The following PLAG1 variants were observed in gnomAD, a reference collection of about 807,000 sequenced individuals.
PLAG1 encodes the protein zinc finger protein PLAG1.
In PLAG1, 7 loss-of-function variants were observed where a neutral mutation model predicts 35.5. That is an observed-to-expected ratio of 0.20 (90% confidence interval 0.11 to 0.37). The LOEUF (loss-of-function observed/expected upper bound fraction) is 0.37, where lower values mean the gene tolerates loss of function less well. Ranked by LOEUF, PLAG1 falls within the 10% of genes least tolerant of loss-of-function variation. The pLI, the probability that PLAG1 is intolerant of heterozygous loss-of-function variation, is 1.00. For synonymous variants in PLAG1, 229 were observed against 225.4 expected, an observed-to-expected ratio of 1.02 and a Z score of -0.14; for missense variants, 454 against 602.8, an observed-to-expected ratio of 0.75 and a Z score of 2.58.
intron 1 of PLAG1, among the ~76,000 whole-genome samples, chr8:56,192,918 C>T (rs1812229833): frequency 6.6e-6 from 1 of 151,904 alleles, no homozygotes; most frequent in Admixed American, 6.6e-5. Flanking sequence ...GACAAAAAAC[C>T]CGTTTCTTTA....
chr8:56,189,399 G>A (rs1034090877), intron 1 of PLAG1, among the ~76,000 whole-genome samples: 6 of 152,164 alleles, frequency 3.9e-5, no homozygotes, highest in African/African-American at 1.2e-4. Flanking sequence ...CAGAAAGTTC[G>A]TCTTCCCCAA....
intron 2 of PLAG1, among the ~76,000 whole-genome samples, chr8:56,173,741 C>G (rs907410188): frequency 2.6e-5 from 4 of 152,134 alleles, no homozygotes; most frequent in African/African-American, 9.7e-5. Flanking sequence ...GAATACCCTT[C>G]TAGTTTTTGT....
chr8:56,180,658 G>A (rs990424161), intron 1 of PLAG1, among the ~76,000 whole-genome samples: 3 of 152,132 alleles, frequency 2.0e-5, no homozygotes, highest in African/African-American at 7.2e-5. Context: ...GTGTAAGGAA[G>A]GTGTCCAGTT....
rs1369062735 is a variant in PLAG1 at position 56,166,103 on chromosome 8, T to G, written c.*140A>C. The G allele has an allele frequency of 2.5e-5, 14 of 556,972 alleles. No homozygotes were observed. The East Asian group carries it at 3.7e-4, about 15-fold the overall frequency. The allele number at this position is 556,972 out of a possible 1,614,324, so 34.5% of individuals were successfully genotyped here. On this transcript the variant is annotated 3_prime_UTR_variant, in exon 5 of 5. Coordinates refer to ENST00000316981, the MANE Select transcript of PLAG1 (RefSeq NM_002655.3). The stretch of plus-strand genomic sequence containing the variant: ...AGCTCAGTTTAAAAGCTAGTTTCTA[T>G]TTTATACTGGCTTAATGAAAATTTG...
chr8:56,205,309 A>C (rs73596227), intron 1 of PLAG1, among the ~76,000 whole-genome samples: 9,721 of 151,940 alleles, frequency 0.064, 1,030 homozygotes, highest in African/African-American at 0.22. Flanking sequence ...TCTTCAAAAT[A>C]TTTTATAAAA....
In PLAG1 at chr8:56,166,704, T is replaced by C. The variant is rs1811365787; in HGVS notation, c.1042A>G (p.Lys348Glu). 5 of 1,614,098 alleles carry C rather than the reference T, an allele frequency of 3.1e-6. No homozygotes were observed. Among genetic ancestry groups the C allele is most frequent in the Non-Finnish European group, 4.2e-6 (5 of 1,179,992 alleles). The change falls in exon 5 of 5, where the codon AAA (lysine) becomes GAA (glutamate). Residue 348 changes from lysine to glutamate, a missense_variant. Lys to Glu is a moderately conservative substitution (Grantham distance 56, BLOSUM62 1). Transcript: ENST00000316981. ...STSYAISIPE[K>E]EQPLKGEIES... ...ATTTCCCCCTTTAATGGCTGTTCTT[T>C]TTCAGGAATAGAAATTGCATATGAG...
chr8:56,191,988 G>T (rs1435773572), intron 1 of PLAG1, among the ~76,000 whole-genome samples: 1 of 152,172 alleles, frequency 6.6e-6, no homozygotes, highest in Non-Finnish European at 1.5e-5. Flanking sequence ...TTGGTACAGG[G>T]AAGATTAGCA....
chr8:56,196,951 C>CGTGTGTGGT (rs1554537774), intron 1 of PLAG1, among the ~76,000 whole-genome samples: 1 of 142,962 alleles, frequency 7.0e-6, no homozygotes. Flanking sequence ...CCCTAGTGTG[C>CGTGTGTGGT]GTGTGTGTGT....
chr8:56,198,434 T>C (rs1033602451), intron 1 of PLAG1, among the ~76,000 whole-genome samples: 93 of 152,280 alleles, frequency 6.1e-4, no homozygotes, highest in African/African-American at 2.2e-3. Flanking sequence ...CCTATAGCCA[T>C]GTGCAGAGGG....
chr8:56,199,807 C>T (rs1251782411), intron 1 of PLAG1, among the ~76,000 whole-genome samples: 1 of 152,174 alleles, frequency 6.6e-6, no homozygotes, highest in Non-Finnish European at 1.5e-5. Context: ...CTGACAGTCC[C>T]AGTCTTCTCT....
At chr8:56,188,230 G>C (rs1420051209) in intron 1 of PLAG1, among the ~76,000 whole-genome samples, 2 of 152,176 alleles carry the variant, frequency 1.3e-5, no homozygotes, top group Non-Finnish European at 2.9e-5. Flanking sequence ...GCAAGAGGTT[G>C]CATGGAACTG....
Position 56,171,167 on chromosome 8 carries a change from C to A in PLAG1, c.-194G>T. The stretch of plus-strand genomic sequence containing the variant: ...ACTCTTCGTGGAAGAGAGTGGAATC[C>A]AATCCTTCCCATTTTGGCCAATCTA... On this transcript the variant is annotated 5_prime_UTR_variant, in exon 3 of 5. It introduces an in-frame stop codon into an upstream open reading frame of the 5' UTR. Transcript: ENST00000316981. The A allele has an allele frequency of 1.0e-6, 1 of 976,718 alleles. No individual in the cohort carries two copies. The highest frequency in any genetic ancestry group is 1.8e-5 in the African/African-American group (1 of 57,056). The allele number at this position is 976,718 out of a possible 1,614,324, so 60.5% of individuals were successfully genotyped here. A position where few individuals can be genotyped will look rare whatever the true frequency, so the allele number is the denominator to read the frequency against.
chr8:56,167,892 C>A lies in PLAG1; in HGVS notation c.242+136G>T. On this transcript the variant is annotated intron_variant, in intron 4 of 4. Transcript: ENST00000316981. This position sits in a 1 kb window ranked among gnomAD's most constrained non-coding sequence, Gnocchi z 5.9. ...GTGATTTAGAATACTAAAAACTAAA[C>A]CAATGTCTAATCTACTTAACATTTC... 1.8e-6 allele frequency: 1 copy of A among 564,700 alleles called. No individual in the cohort carries two copies. The highest frequency in any genetic ancestry group is 3.1e-6 in the Non-Finnish European group (1 of 320,044). 35.0% of individuals were successfully genotyped at this position (564,700 alleles called of 1,614,324 possible). A position where few individuals can be genotyped will look rare whatever the true frequency, so the allele number is the denominator to read the frequency against.
intron 1 of PLAG1, among the ~76,000 whole-genome samples, chr8:56,199,940 C>A (rs1812501465): frequency 1.3e-5 from 2 of 152,102 alleles, no homozygotes; most frequent in Non-Finnish European, 2.9e-5. Flanking sequence ...TGGGTTTATA[C>A]CATGAAAGAC....
chr8:56,198,867 C>T (rs1441037374), intron 1 of PLAG1, among the ~76,000 whole-genome samples: 1 of 152,194 alleles, frequency 6.6e-6, no homozygotes, highest in Non-Finnish European at 1.5e-5. Context: ...GTCCTTTGCT[C>T]ATTGTGGGTG....
At chr8:56,181,718 G>T (rs1315178990) in intron 1 of PLAG1, among the ~76,000 whole-genome samples, 1 of 151,978 alleles carries the variant, frequency 6.6e-6, no homozygotes, top group South Asian at 2.1e-4. Context: ...CTTAAAGTAT[G>T]TATATAAAAA....
intron 1 of PLAG1, among the ~76,000 whole-genome samples, chr8:56,206,208 G>C (rs1280839287): frequency 6.6e-6 from 1 of 151,856 alleles, no homozygotes; most frequent in East Asian, 1.9e-4. Flanking sequence ...AGGAGGCAGG[G>C]ATAGCTATAA....
In PLAG1 at chr8:56,170,308, T is replaced by C. The variant is rs905103767; in HGVS notation, c.-118+783A>G. 3.3e-5 allele frequency among the ~76,000 whole-genome samples: 5 copies of C among 152,312 alleles called. No individual in the cohort carries two copies. The South Asian group carries it at 8.3e-4, about 25-fold the overall frequency. Reference sequence around the variant, plus strand: ...CATTACCAATGGTAACATATGTTCTTTTTGTTTTAGATTTTCTGGATCTCA... The same window carrying C: ...CATTACCAATGGTAACATATGTTCTCTTTGTTTTAGATTTTCTGGATCTCA... On this transcript the variant is annotated intron_variant, in intron 3 of 4. Coordinates refer to ENST00000316981, the MANE Select transcript of PLAG1 (RefSeq NM_002655.3).
At chr8:56,205,137 T>A (rs1585830715) in intron 1 of PLAG1, among the ~76,000 whole-genome samples, 1 of 151,860 alleles carries the variant, frequency 6.6e-6, no homozygotes, top group Non-Finnish European at 1.5e-5. Context: ...TTATTTAAAT[T>A]GCTCTAAAAA....
Sources: allele counts gnomAD v4.1 joint callset (sites outside exome capture counted in the v4.1 genomes callset), GRCh38; gene constraint gnomAD v4.1.1; non-coding constraint Gnocchi (gnomAD v3.1); transcripts MANE v1.5; gene names NCBI Gene and HGNC (gene_info 2026-07-23, HGNC 2026-07-21).